Variants in SLC26A3 observed in about 807,000 individuals in gnomAD.
The protein encoded by SLC26A3 is chloride anion exchanger.
SLC26A3 carries 64 observed loss-of-function variants against 85.6 expected under a neutral mutation model. The ratio of observed to expected loss-of-function variants is 0.75; its 90% CI spans 0.61 to 0.92. The LOEUF (loss-of-function observed/expected upper bound fraction) is 0.92. Ranked by LOEUF, SLC26A3 falls within the 40% of genes least tolerant of loss-of-function variation. The pLI is 0.00. For synonymous variants in SLC26A3, 349 were observed against 336.0 expected, an observed-to-expected ratio of 1.04 and a Z score of -0.42; for missense variants, 922 against 927.3, an observed-to-expected ratio of 0.99 and a Z score of 0.07.
At chr7:107,797,395 G>A (rs1794524971) in intron 1 of SLC26A3, among the ~76,000 whole-genome samples, 1 of 152,158 alleles carries the variant, frequency 6.6e-6, no homozygotes, top group South Asian at 2.1e-4. Context: ...TCGGGAGGCT[G>A]AGACAGGAGA....
In SLC26A3 at chr7:107,776,473, A is replaced by G; in HGVS notation, c.1656T>C (p.Phe552=). 1.9e-6 allele frequency: 3 copies of G among 1,613,936 alleles called. No homozygotes were observed. In the South Asian group the frequency reaches 3.3e-5, roughly 18 times the overall value. ...TTACAGCATCGATAAGTTTCCGCCT[A>G]AAGAAACCAATGTTTGCAAAGTAGA... ...SPIYFANIGF[F]RRKLIDAVGF... The change falls in exon 15 of 21, where the codon TTT becomes TTC. Residue 552 remains phenylalanine, a synonymous_variant. Coordinates refer to ENST00000340010, the MANE Select transcript of SLC26A3 (RefSeq NM_000111.3).
chr7:107,793,227 C>T (rs1237051827), intron 3 of SLC26A3, among the ~76,000 whole-genome samples: 1 of 152,170 alleles, frequency 6.6e-6, no homozygotes, highest in Non-Finnish European at 1.5e-5. Context: ...CCAGCAATTA[C>T]AATCCTAGTG....
intron 1 of SLC26A3, among the ~76,000 whole-genome samples, chr7:107,799,540 G>A (rs113229892): frequency 7.2e-5 from 11 of 152,150 alleles, no homozygotes; most frequent in South Asian, 2.1e-4. Flanking sequence ...ACAGGCACCC[G>A]TTACCATGCC....
At chr7:107,777,093 C>A (rs1275965353) in intron 13 of SLC26A3, among the ~76,000 whole-genome samples, 3 of 152,054 alleles carry the variant, frequency 2.0e-5, no homozygotes, top group Non-Finnish European at 2.9e-5. Context: ...GATGGGTTCC[C>A]AGTAAAAAAT....
chr7:107,773,748 G>A (rs557847486), intron 17 of SLC26A3, among the ~76,000 whole-genome samples, 172 bp downstream of exon 17: 3 of 152,166 alleles, frequency 2.0e-5, no homozygotes, highest in South Asian at 2.1e-4. Flanking sequence ...ACGGGGCTTC[G>A]CCATGTTGGC....
intron 5 of SLC26A3, among the ~76,000 whole-genome samples, chr7:107,790,712 G>A (rs888971003): frequency 6.6e-6 from 1 of 152,140 alleles, no homozygotes; most frequent in Non-Finnish European, 1.5e-5. Flanking sequence ...ATACAGTTAT[G>A]TTTCTTGACT....
intron 6 of SLC26A3, 88 bp from the exon 7 acceptor site, chr7:107,787,597 T>C (rs1794319690): frequency 1.7e-6 from 2 of 1,188,054 alleles, no homozygotes; most frequent in African/African-American, 1.5e-5. Context: ...AAAATAAACA[T>C]GGAAGCAAAA....
intron 6 of SLC26A3, among the ~76,000 whole-genome samples, chr7:107,788,772 C>CT (rs1183192106): frequency 1.5e-5 from 2 of 136,202 alleles, no homozygotes; most frequent in Non-Finnish European, 3.1e-5. Context: ...TTTTCTTTTT[C>CT]TTTTTTCTTT....
intron 6 of SLC26A3, among the ~76,000 whole-genome samples, chr7:107,788,493 C>T (rs1341615814): frequency 2.0e-5 from 3 of 152,090 alleles, no homozygotes; most frequent in Non-Finnish European, 2.9e-5. Flanking sequence ...AAGAATGAGA[C>T]ATGCTTTTCA....
At chr7:107,780,338 C>T (rs537387805) in intron 11 of SLC26A3, among the ~76,000 whole-genome samples, 10 of 152,188 alleles carry the variant, frequency 6.6e-5, no homozygotes, top group Non-Finnish European at 1.3e-4. Flanking sequence ...AGTGGCTGAG[C>T]CAATGAATGA....
intron 13 of SLC26A3, 46 bp from the exon 14 acceptor site, chr7:107,776,752 A>G (rs1309913352): frequency 1.3e-6 from 2 of 1,564,720 alleles, no homozygotes; most frequent in Non-Finnish European, 1.8e-6. Flanking sequence ...TATGTTTGTT[A>G]AGCCTATAAG....
Position 107,771,524 on chromosome 7 carries a change from G to A in SLC26A3, c.2062+530C>T, listed in dbSNP as rs554648425. On this transcript the variant is annotated intron_variant, in intron 18 of 20. Coordinates refer to ENST00000340010, the MANE Select transcript of SLC26A3 (RefSeq NM_000111.3). ...CAGACCCTGAGGAGATGTTTGAGAGGTAGGAGGTGAATAAGAACTGTCCTG... is the reference window on the plus strand; with the variant it reads ...CAGACCCTGAGGAGATGTTTGAGAGATAGGAGGTGAATAAGAACTGTCCTG... 3.3e-5 allele frequency among the ~76,000 whole-genome samples: 5 copies of A among 152,294 alleles called. No individual in the cohort carries two copies. The East Asian group carries it at 9.6e-4, about 29-fold the overall frequency.
intron 1 of SLC26A3, among the ~76,000 whole-genome samples, chr7:107,797,739 C>CATTT (rs781396459): frequency 1.4e-5 from 1 of 70,538 alleles, no homozygotes; most frequent in African/African-American, 8.3e-5. Context: ...TTGAGCAGGA[C>CATTT]CTTTTTTTTT....
chr7:107,799,252 A>G (rs578174151), intron 1 of SLC26A3, among the ~76,000 whole-genome samples: 6 of 152,346 alleles, frequency 3.9e-5, no homozygotes, highest in African/African-American at 9.6e-5. Flanking sequence ...AGTCAAACCT[A>G]AATTAATCGG....
chr7:107,781,804 A>G (rs1794218894), intron 11 of SLC26A3, among the ~76,000 whole-genome samples: 1 of 152,192 alleles, frequency 6.6e-6, no homozygotes. Flanking sequence ...AAAAAGGCCT[A>G]GGTAACAGCC....
chr7:107,776,374 A>T, intron 15 of SLC26A3, 78 bp downstream of exon 15: 3 of 1,208,500 alleles, frequency 2.5e-6, no homozygotes, highest in Non-Finnish European at 2.5e-6. Context: ...CAGTCTCAAC[A>T]ATGACCTTAC....
At chr7:107,797,833 T>C (rs1562883273) in intron 1 of SLC26A3, among the ~76,000 whole-genome samples, 1 of 149,762 alleles carries the variant, frequency 6.7e-6, no homozygotes, top group Non-Finnish European at 1.5e-5. Context: ...TAAAAAGAGA[T>C]TGTTTAAACT....
intron 18 of SLC26A3, among the ~76,000 whole-genome samples, chr7:107,771,762 C>T (rs1479494799): frequency 2.0e-5 from 3 of 152,130 alleles, no homozygotes; most frequent in Non-Finnish European, 4.4e-5. Context: ...GGAAGAGAGA[C>T]AGAAAACAAG....
rs78798249 is a variant in SLC26A3, at chr7:107,800,704, A to C, written c.-89+2407T>G. Among the ~76,000 whole-genome samples, 640 of 143,782 alleles carry C rather than the reference A, an allele frequency of 4.5e-3. 3 individuals are homozygous for C. The highest frequency in any genetic ancestry group is 6.9e-3 in the Admixed American group (98 of 14,302). The allele number at this position is 143,782 out of a possible 152,430, so 94.3% of individuals were successfully genotyped here. On this transcript the variant is annotated intron_variant, in intron 1 of 20. Transcript: ENST00000340010. ...CTGAACTATGAGCAAAAGATATATA[A>C]ATGACGTAGACCTAAACTCCAAAGT...
Sources: allele counts gnomAD v4.1 joint callset (sites outside exome capture counted in the v4.1 genomes callset), GRCh38; gene constraint gnomAD v4.1.1; transcripts MANE v1.5; gene names NCBI Gene and HGNC (gene_info 2026-07-23, HGNC 2026-07-21).